CHID1: variants seen among roughly 807,000 people sequenced by gnomAD.
CHID1 encodes chitinase domain-containing protein 1.
A neutral mutation model predicts 55.4 loss-of-function variants in CHID1; 44 were observed. That is an observed-to-expected ratio of 0.79 (90% CI 0.62 to 1.02). The LOEUF (loss-of-function observed/expected upper bound fraction) is 1.02. Among genes scored for constraint, CHID1 ranks in the 50% least tolerant of loss-of-function variants. CHID1 has a pLI of 0.00. For synonymous variants in CHID1, 216 were observed against 212.9 expected, an observed-to-expected ratio of 1.01 and a Z score of -0.13; for missense variants, 491 against 515.3, an observed-to-expected ratio of 0.95 and a Z score of 0.46.
At chr11:910,928 G>T (rs915455099), upstream of CHID1, 18 of 746,796 alleles carry the variant, frequency 2.4e-5, no homozygotes, top group Admixed American at 6.3e-5. Context: ...GGGCAGGGCT[G>T]CCCGAAAGTC....
In CHID1 at chr11:875,690, T is replaced by A. The variant is rs1396603499; in HGVS notation, c.960-5191A>T. On this transcript the variant is annotated intron_variant, in intron 10 of 12. Coordinates refer to ENST00000323578, the MANE Select transcript of CHID1 (RefSeq NM_023947.4). The surrounding 1 kb of genome is among the most constrained non-coding windows in gnomAD (Gnocchi z 4.7). ...CTCGCCACACCATTCTATGCACTTCTATGCTTGAAGATTCTCACAGTAAAA... is the reference window on the plus strand; with the variant it reads ...CTCGCCACACCATTCTATGCACTTCAATGCTTGAAGATTCTCACAGTAAAA... Among the ~76,000 whole-genome samples, 1 of 152,126 alleles carries A rather than the reference T, an allele frequency of 6.6e-6. No individual in the cohort carries two copies. The highest frequency in any genetic ancestry group is 2.4e-5 in the African/African-American group (1 of 41,424).
At chr11:904,273 T>C (rs1423728622) in intron 2 of CHID1, among the ~76,000 whole-genome samples, 9 of 151,924 alleles carry the variant, frequency 5.9e-5, no homozygotes, top group African/African-American at 2.2e-4. Context: ...GGCTGAGAGG[T>C]GGTTCTATGA....
chr11:876,674 G>A (rs1849541183), intron 10 of CHID1, among the ~76,000 whole-genome samples: 1 of 152,252 alleles, frequency 6.6e-6, no homozygotes, highest in Admixed American at 6.5e-5. Flanking sequence ...TGAGGCAGGA[G>A]CCATGGCTGT....
chr11:904,329 C>T (rs972325429), intron 2 of CHID1, among the ~76,000 whole-genome samples: 5 of 152,108 alleles, frequency 3.3e-5, no homozygotes, highest in Admixed American at 2.0e-4. Context: ...CCCAGGGGAA[C>T]GTCCCAAAAA....
At position 869,815 on chromosome 11, in the gene CHID1, G is replaced by A. The variant is rs1213595850; in HGVS notation, c.*43C>T. 1 of 1,554,444 alleles carries A rather than the reference G, an allele frequency of 6.4e-7. No homozygotes were observed. ...TTCACACCTGCTCACTCACTCCATGGCTTAGAAAAGAACACGTCCACCGCG... is the reference window on the plus strand; with the variant it reads ...TTCACACCTGCTCACTCACTCCATGACTTAGAAAAGAACACGTCCACCGCG... On this transcript the variant is annotated 3_prime_UTR_variant, in exon 13 of 13. Coordinates refer to ENST00000323578, the MANE Select transcript of CHID1 (RefSeq NM_023947.4).
chr11:891,483 A>G (rs1038811097), intron 8 of CHID1, among the ~76,000 whole-genome samples: 1 of 152,182 alleles, frequency 6.6e-6, no homozygotes, highest in Admixed American at 6.5e-5. Context: ...CCAGAAGCTC[A>G]GGCAGAGGCT....
At chr11:902,657 C>T (rs986373830) in intron 3 of CHID1, among the ~76,000 whole-genome samples, 3 of 126,280 alleles carry the variant, frequency 2.4e-5, no homozygotes, top group African/African-American at 7.7e-5. Context: ...GAACCCACCC[C>T]TCCCTGGCCC....
chr11:879,063 GTCTC>G (rs1473848042), intron 10 of CHID1, among the ~76,000 whole-genome samples: 1 of 152,176 alleles, frequency 6.6e-6, no homozygotes, highest in Non-Finnish European at 1.5e-5. Flanking sequence ...AGCCAGGATG[GTCTC>G]TATCTCCTGA....
intron 10 of CHID1, among the ~76,000 whole-genome samples, chr11:874,277 C>T (rs552202327): frequency 1.3e-5 from 2 of 152,252 alleles, no homozygotes; most frequent in Non-Finnish European, 2.9e-5. Flanking sequence ...GCCTGGCCAA[C>T]GTGGTGAAAC....
At chr11:903,633 T>C (rs1851988468) in intron 2 of CHID1, 1 of 211,360 alleles carries the variant, frequency 4.7e-6, no homozygotes, top group East Asian at 1.7e-4. Flanking sequence ...ATGCAAAAAT[T>C]AGCCAGGCAT....
upstream of CHID1, chr11:910,959 GGCCGGGGCGGGGCCGC>G (rs1852643182): frequency 2.6e-6 from 1 of 389,790 alleles, no homozygotes; most frequent in Non-Finnish European, 3.5e-6. Context: ...CCGGGGCCGG[GGCCGGGGCGGGGCCGC>G]GCCGGGGGCG....
At chr11:906,018 G>A (rs1053631196) in intron 1 of CHID1, among the ~76,000 whole-genome samples, 1 of 152,182 alleles carries the variant, frequency 6.6e-6, no homozygotes, top group Non-Finnish European at 1.5e-5. Context: ...AGACATTCCA[G>A]TAAAAAATGT....
At chr11:887,764 G>C (rs1031751121) in intron 8 of CHID1, among the ~76,000 whole-genome samples, 3 of 152,100 alleles carry the variant, frequency 2.0e-5, no homozygotes, top group Non-Finnish European at 4.4e-5. Context: ...CGTGAGCCGG[G>C]CTCGTGTGCC....
At chr11:895,772 G>A (rs1024262108) in intron 7 of CHID1, among the ~76,000 whole-genome samples, 1 of 152,128 alleles carries the variant, frequency 6.6e-6, no homozygotes, top group Non-Finnish European at 1.5e-5. Flanking sequence ...GGTGGTCAGA[G>A]GCAGGACTGT....
intron 2 of CHID1, chr11:903,901 A>T (rs1852013877): frequency 5.0e-6 from 1 of 198,950 alleles, no homozygotes; most frequent in South Asian, 5.7e-5. Flanking sequence ...GCCCCCGCCA[A>T]TACGACCCTA....
chr11:895,367 G>A (rs1187814625), intron 7 of CHID1, among the ~76,000 whole-genome samples: 3 of 152,184 alleles, frequency 2.0e-5, no homozygotes, highest in African/African-American at 4.8e-5. Context: ...GGCTCACGGT[G>A]TGGCCCAGAG....
intron 7 of CHID1, among the ~76,000 whole-genome samples, chr11:898,374 C>T (rs1363413993): frequency 2.6e-5 from 4 of 152,188 alleles, no homozygotes; most frequent in Non-Finnish European, 5.9e-5. Flanking sequence ...GAGCCGATTC[C>T]AGAACCCACG....
At chr11:900,285 C>T (rs1266370133) in intron 5 of CHID1, among the ~76,000 whole-genome samples, 175 bp from the exon 6 acceptor site, 4 of 152,184 alleles carry the variant, frequency 2.6e-5, no homozygotes, top group Admixed American at 2.6e-4. Context: ...GTCCCAGAGC[C>T]TCACAGGCTG....
At chr11:899,660 G>T (rs1851657878) in intron 6 of CHID1, among the ~76,000 whole-genome samples, 1 of 152,218 alleles carries the variant, frequency 6.6e-6, no homozygotes, top group Admixed American at 6.5e-5. Flanking sequence ...CACCCCGGGG[G>T]TCTGGGGGCT....
Sources: gnomAD v4.1 joint callset for allele counts (sites outside exome capture counted in the v4.1 genomes callset) on GRCh38, gnomAD v4.1.1 for gene constraint, Gnocchi (gnomAD v3.1) non-coding constraint, MANE v1.5 for transcripts, NCBI Gene and HGNC (gene_info 2026-07-23, HGNC 2026-07-21) for gene names.